Variants in CCDC60 observed in about 807,000 individuals in gnomAD.
CCDC60 encodes coiled-coil domain-containing protein 60.
Under a neutral mutation model 63.5 loss-of-function variants are expected in CCDC60, and 54 were observed. That is an observed-to-expected ratio of 0.85 (90% CI 0.68 to 1.07). The LOEUF is 1.07. Ranked by LOEUF, CCDC60 falls within the 50% of genes least tolerant of loss-of-function variation. The pLI, the probability that CCDC60 is intolerant of heterozygous loss-of-function variation, is 0.00. For missense variants in CCDC60, 651 were observed against 684.3 expected (o/e 0.95, Z 0.54); for synonymous variants, 206 against 238.8 (o/e 0.86, Z 1.27).
intron 1 of CCDC60, among the ~76,000 whole-genome samples, chr12:119,408,692 G>A (rs1165144478): frequency 6.6e-6 from 1 of 152,112 alleles, no homozygotes; most frequent in African/African-American, 2.4e-5. Context: ...CAGGCGTGGT[G>A]GCGGGCGCCT....
At chr12:119,540,514 G>A (rs2136570320) in intron 13 of CCDC60, 100 bp from the exon 14 acceptor site, 2 of 824,670 alleles carry the variant, frequency 2.4e-6, no homozygotes, top group East Asian at 2.5e-5. Flanking sequence ...GGGGCCACCA[G>A]TCTCAGTCAC....
chr12:119,504,746 G>A (rs1469418056), intron 6 of CCDC60, among the ~76,000 whole-genome samples: 1 of 152,178 alleles, frequency 6.6e-6, no homozygotes, highest in Non-Finnish European at 1.5e-5. Context: ...CCTGTTCTGG[G>A]CCTTGACATC....
chr12:119,479,278 G>A, intron 4 of CCDC60, 77 bp downstream of exon 4: 2 of 963,530 alleles, frequency 2.1e-6, no homozygotes, highest in South Asian at 2.8e-5. Flanking sequence ...TCAACGAGCT[G>A]TCATGTCAGT....
intron 2 of CCDC60, among the ~76,000 whole-genome samples, chr12:119,432,244 A>C (rs973829626): frequency 2.6e-5 from 4 of 152,196 alleles, no homozygotes; most frequent in African/African-American, 7.2e-5. Context: ...CCATCTGAGT[A>C]GGGACAGCAA....
At chr12:119,412,046 G>A (rs1956612614) in intron 1 of CCDC60, among the ~76,000 whole-genome samples, 1 of 152,232 alleles carries the variant, frequency 6.6e-6, no homozygotes. Context: ...AAATATGTGA[G>A]CTGCTCTTGC....
chr12:119,427,638 G>T (rs1195885908), intron 1 of CCDC60, among the ~76,000 whole-genome samples: 1 of 152,080 alleles, frequency 6.6e-6, no homozygotes, highest in Non-Finnish European at 1.5e-5. Flanking sequence ...GGTATGCATT[G>T]AGAATTGCCC....
At chr12:119,530,774 G>C (rs995228483) in intron 12 of CCDC60, 100 bp from the exon 13 acceptor site, 2 of 964,672 alleles carry the variant, frequency 2.1e-6, no homozygotes, top group African/African-American at 3.3e-5. Flanking sequence ...CTGCCCTGGA[G>C]ACATCACAGA....
At chr12:119,395,025 G>C (rs1956225822) in intron 1 of CCDC60, among the ~76,000 whole-genome samples, 1 of 152,236 alleles carries the variant, frequency 6.6e-6, no homozygotes, top group Admixed American at 6.5e-5. Flanking sequence ...AGGATGAGTA[G>C]TTTTCCAAGT....
chr12:119,519,397 ATATATGTGTG>A, intron 8 of CCDC60, among the ~76,000 whole-genome samples: 1 of 106,012 alleles, frequency 9.4e-6, no homozygotes, highest in African/African-American at 4.0e-5. Flanking sequence ...AGGTAGTGAT[ATATATGTGTG>A]TGTGTGTGTG....
At chr12:119,375,368 A>G (rs1955940888) in intron 1 of CCDC60, among the ~76,000 whole-genome samples, 1 of 152,166 alleles carries the variant, frequency 6.6e-6, no homozygotes, top group African/African-American at 2.4e-5. Flanking sequence ...GCTATCGATC[A>G]CTGAACAAAG....
chr12:119,540,788 G>A lies in CCDC60; in HGVS notation c.*73G>A, dbSNP rs1953142150. 7.5e-6 allele frequency: 8 copies of A among 1,069,588 alleles called. No homozygotes were observed. The South Asian group carries it at 1.0e-4, about 14-fold the overall frequency. The allele number at this position is 1,069,588 out of a possible 1,614,324, so 66.3% of individuals were successfully genotyped here. A position where few individuals can be genotyped will look rare whatever the true frequency, so the allele number is the denominator to read the frequency against. ...TATCATGTTCCTGTATCCTGCCTGT[G>A]TTCCTGCCTCCTGACTACCCTCATG... is the stretch of plus-strand genomic sequence containing the variant. On this transcript the variant is annotated 3_prime_UTR_variant, in exon 14 of 14. Coordinates refer to ENST00000327554, the MANE Select transcript of CCDC60 (RefSeq NM_178499.5).
At chr12:119,494,072 A>G (rs1285160628) in intron 5 of CCDC60, among the ~76,000 whole-genome samples, 1 of 152,226 alleles carries the variant, frequency 6.6e-6, no homozygotes, top group African/African-American at 2.4e-5. Context: ...GTTTTGGTTT[A>G]AAGACTCTTT....
intron 2 of CCDC60, among the ~76,000 whole-genome samples, chr12:119,458,173 A>G (rs1352194282): frequency 1.3e-5 from 2 of 152,248 alleles, no homozygotes; most frequent in Non-Finnish European, 2.9e-5. Context: ...ATTGGGAATA[A>G]ACTGATTTAT....
At chr12:119,377,254 C>CA (rs60100165) in intron 1 of CCDC60, among the ~76,000 whole-genome samples, 4,813 of 46,790 alleles carry the variant, frequency 0.1, 342 homozygotes, top group Non-Finnish European at 0.13. Flanking sequence ...CACTCCATCT[C>CA]AAAAAAAAAA....
intron 6 of CCDC60, 72 bp downstream of exon 6, chr12:119,500,240 T>C (rs1011634932): frequency 3.7e-5 from 38 of 1,041,022 alleles, no homozygotes; most frequent in Non-Finnish European, 5.2e-5. Flanking sequence ...TTTTTGCCAG[T>C]CTTTTCTCTG....
chr12:119,440,704 TAC>T (rs1203006908), intron 2 of CCDC60, among the ~76,000 whole-genome samples: 1 of 151,948 alleles, frequency 6.6e-6, no homozygotes, highest in Non-Finnish European at 1.5e-5. Flanking sequence ...GGAGTGGGAA[TAC>T]AGAGTGGGGC....
At chr12:119,466,361 A>G (rs972320916) in intron 2 of CCDC60, among the ~76,000 whole-genome samples, 1 of 152,182 alleles carries the variant, frequency 6.6e-6, no homozygotes, top group African/African-American at 2.4e-5. Flanking sequence ...TCCTCAACAC[A>G]TAGTGCTTTG....
intron 13 of CCDC60, among the ~76,000 whole-genome samples, chr12:119,537,750 G>A (rs533781341): frequency 6.6e-6 from 1 of 152,302 alleles, no homozygotes; most frequent in Non-Finnish European, 1.5e-5. Context: ...GGAGGCTGTA[G>A]AACAGCAAAT....
Position 119,456,043 on chromosome 12 carries a change from G to GC in CCDC60, c.171-15951_171-15950insC, listed in dbSNP as rs1566019509. On this transcript the variant is annotated intron_variant, in intron 2 of 13. Transcript: ENST00000327554. This position sits in a 1 kb window ranked among gnomAD's most constrained non-coding sequence, Gnocchi z 4.6. ...AGAAAGAAAGAAAGAAAGAAAGAAA[G>GC]AAAGAAAGAAAGAAAGAAAGCAAGC... Among the ~76,000 whole-genome samples, 7 of 147,286 alleles carry GC rather than the reference G, an allele frequency of 4.8e-5. 1 individual carries two copies. Among genetic ancestry groups the GC allele is most frequent in the Admixed American group, 4.7e-4 (7 of 14,786 alleles).
Sources: allele counts gnomAD v4.1 joint callset (sites outside exome capture counted in the v4.1 genomes callset), GRCh38; gene constraint gnomAD v4.1.1; non-coding constraint Gnocchi (gnomAD v3.1); transcripts MANE v1.5; gene names NCBI Gene and HGNC (gene_info 2026-07-23, HGNC 2026-07-21).